The following FRMD4A variants were observed in gnomAD, a reference collection of about 807,000 sequenced individuals.
FRMD4A encodes the protein FERM domain-containing protein 4A.
Under a neutral mutation model 129.1 loss-of-function variants are expected in FRMD4A, and 29 were observed. The observed-to-expected ratio is 0.22, with a 90% confidence interval of 0.17 to 0.31. The LOEUF is 0.31. FRMD4A is among the 10% of genes least tolerant of loss of function. The pLI, the probability that FRMD4A is intolerant of heterozygous loss-of-function variation, is 1.00. For missense variants in FRMD4A, 1,272 were observed against 1,375.8 expected (o/e 0.92, Z 1.19); for synonymous variants, 634 against 571.6 (o/e 1.11, Z -1.56).
At chr10:13,669,042 CCTAA>C (rs1312272247) in intron 17 of FRMD4A, among the ~76,000 whole-genome samples, 2 of 148,408 alleles carry the variant, frequency 1.3e-5, no homozygotes, top group East Asian at 4.1e-4. Flanking sequence ...CCAGGAACTG[CCTAA>C]CTGAGCTTTA....
chr10:14,223,207 G>C lies in FRMD4A; in HGVS notation c.45+106851C>G, dbSNP rs115301027. ...AGGGTCCACATCTCCGGATGGAGCA[G>C]GCACAACTGCTAGGCAAAGTCATCA... On this transcript the variant is annotated intron_variant, in intron 2 of 24. Coordinates refer to ENST00000357447, the MANE Select transcript of FRMD4A (RefSeq NM_018027.5). 2.7e-3 allele frequency among the ~76,000 whole-genome samples: 409 copies of C among 152,302 alleles called. 4 individuals carry two copies. The highest frequency in any genetic ancestry group is 8.6e-3 in the African/African-American group (356 of 41,550).
intron 15 of FRMD4A, among the ~76,000 whole-genome samples, chr10:13,683,807 G>C (rs1776448031): frequency 6.6e-6 from 1 of 151,680 alleles, no homozygotes; most frequent in African/African-American, 2.4e-5. Flanking sequence ...CTGCCTCCTG[G>C]GTTCAAGTGA....
At chr10:14,087,287 T>C (rs1836342535) in intron 2 of FRMD4A, among the ~76,000 whole-genome samples, 1 of 147,448 alleles carries the variant, frequency 6.8e-6, no homozygotes, top group Non-Finnish European at 1.5e-5. Flanking sequence ...ATATATGTGT[T>C]ATATATCTAT....
intron 12 of FRMD4A, among the ~76,000 whole-genome samples, chr10:13,735,295 T>C (rs966839301): frequency 4.3e-4 from 66 of 152,356 alleles, no homozygotes; most frequent in African/African-American, 1.6e-3. Context: ...GAAACCCAAG[T>C]GATTTTCAAT....
At chr10:14,165,036 C>T (rs185050124) in intron 2 of FRMD4A, among the ~76,000 whole-genome samples, 424 of 152,040 alleles carry the variant, frequency 2.8e-3, no homozygotes, top group Non-Finnish European at 4.8e-3. Flanking sequence ...GTAGAGCTTC[C>T]GCACAGCAAA....
At chr10:14,275,492 C>T (rs1003456223) in intron 2 of FRMD4A, among the ~76,000 whole-genome samples, 1 of 152,148 alleles carries the variant, frequency 6.6e-6, no homozygotes, top group Non-Finnish European at 1.5e-5. Flanking sequence ...TATTTTAAGG[C>T]TAGGCACAAA....
chr10:14,138,797 G>A (rs969911232), intron 2 of FRMD4A, among the ~76,000 whole-genome samples: 1 of 151,978 alleles, frequency 6.6e-6, no homozygotes, highest in Admixed American at 6.6e-5. Context: ...AGAAAATTGG[G>A]GGCCAAGTAA....
intron 2 of FRMD4A, among the ~76,000 whole-genome samples, chr10:14,079,080 G>A (rs1021266865): frequency 6.6e-6 from 1 of 152,238 alleles, no homozygotes; most frequent in East Asian, 1.9e-4. Flanking sequence ...CCTTGCATCT[G>A]TTGGGCCCAT....
At chr10:13,796,213 T>A (rs1350194465) in intron 5 of FRMD4A, among the ~76,000 whole-genome samples, 1 of 152,216 alleles carries the variant, frequency 6.6e-6, no homozygotes, top group East Asian at 1.9e-4. Flanking sequence ...GTTTGAGATA[T>A]GTGACCCTCC....
intron 2 of FRMD4A, among the ~76,000 whole-genome samples, chr10:14,197,228 C>G (rs777687939): frequency 6.6e-6 from 1 of 152,102 alleles, no homozygotes; most frequent in Non-Finnish European, 1.5e-5. Context: ...TTTATACAGG[C>G]AAATCGGGAC....
chr10:13,979,126 T>C (rs576125802), intron 2 of FRMD4A, among the ~76,000 whole-genome samples: 6 of 152,312 alleles, frequency 3.9e-5, no homozygotes, highest in South Asian at 4.1e-4. Flanking sequence ...TCCACGAAAT[T>C]CATCCTTTCC....
intron 2 of FRMD4A, among the ~76,000 whole-genome samples, chr10:13,872,563 G>C (rs2131089472): frequency 6.6e-6 from 1 of 152,372 alleles, no homozygotes; most frequent in South Asian, 2.1e-4. Context: ...CTTATTCACA[G>C]CACATGCGTT....
At position 14,290,573 on chromosome 10, in the gene FRMD4A, T is replaced by G. The variant is rs184950582; in HGVS notation, c.45+39485A>C. ...CCTTATTTTACATCATATGCACATATAAATCAAGTCAAAATTGAGAAAAAA... is the reference window on the plus strand; with the variant it reads ...CCTTATTTTACATCATATGCACATAGAAATCAAGTCAAAATTGAGAAAAAA... On this transcript the variant is annotated intron_variant, in intron 2 of 24. Coordinates refer to ENST00000357447, the MANE Select transcript of FRMD4A (RefSeq NM_018027.5). Among the ~76,000 whole-genome samples the G allele has an allele frequency of 4.5e-3, 682 of 152,114 alleles. 5 individuals are homozygous for G. The highest frequency in any genetic ancestry group is 0.015 in the African/African-American group (640 of 41,546).
At chr10:13,830,589 C>A (rs1291832730) in intron 3 of FRMD4A, among the ~76,000 whole-genome samples, 1 of 152,164 alleles carries the variant, frequency 6.6e-6, no homozygotes, top group Non-Finnish European at 1.5e-5. Context: ...CTGCCCCCTG[C>A]AGAACCAGCA....
chr10:13,669,790 T>C (rs1251479733), intron 17 of FRMD4A, among the ~76,000 whole-genome samples: 1 of 152,174 alleles, frequency 6.6e-6, no homozygotes, highest in Non-Finnish European at 1.5e-5. Context: ...GTTTGTTTGT[T>C]TGTTTTCTCC....
chr10:14,169,520 G>T (rs1323852728), intron 2 of FRMD4A, among the ~76,000 whole-genome samples: 1 of 152,096 alleles, frequency 6.6e-6, no homozygotes, highest in Non-Finnish European at 1.5e-5. Flanking sequence ...TGCTGCCAAA[G>T]ACCATGCTTC....
chr10:14,312,937 G>A (rs576047421), intron 2 of FRMD4A, among the ~76,000 whole-genome samples: 2 of 152,282 alleles, frequency 1.3e-5, no homozygotes, highest in African/African-American at 2.4e-5. Flanking sequence ...TTGCATATGT[G>A]CAGATAATTT....
chr10:13,650,678 A>G (rs1305223694), intron 24 of FRMD4A, among the ~76,000 whole-genome samples: 1 of 152,014 alleles, frequency 6.6e-6, no homozygotes, highest in African/African-American at 2.4e-5. Flanking sequence ...CCCTGTCCTA[A>G]TTGCCCATCT....
chr10:14,110,858 G>T (rs981139794), intron 2 of FRMD4A, among the ~76,000 whole-genome samples: 1 of 151,928 alleles, frequency 6.6e-6, no homozygotes, highest in Admixed American at 6.6e-5. Flanking sequence ...TAGAGATAGC[G>T]TCTCCTTCTG....
Sources: gnomAD v4.1 joint callset for allele counts (sites outside exome capture counted in the v4.1 genomes callset) on GRCh38, gnomAD v4.1.1 for gene constraint, MANE v1.5 for transcripts, NCBI Gene and HGNC (gene_info 2026-07-23, HGNC 2026-07-21) for gene names.